MGMT: variants seen among roughly 807,000 people sequenced by gnomAD.
MGMT encodes O-6-methylguanine-DNA methyltransferase, also known as methylated-DNA--protein-cysteine methyltransferase.
A neutral mutation model predicts 15.9 loss-of-function variants in MGMT; 14 were observed. The observed-to-expected ratio is 0.88, with a 90% CI of 0.58 to 1.37. MGMT has a LOEUF of 1.37. MGMT is among the 40% of genes most tolerant of loss of function. The probability of loss-of-function intolerance (pLI) is 0.00; values close to 1 mark genes in which losing one functional copy is unlikely to be tolerated. For synonymous variants in MGMT, 130 were observed against 118.2 expected (o/e 1.10, Z -0.65); for missense variants, 282 against 268.1 (o/e 1.05, Z -0.36).
chr10:129,586,581 T>C (rs1320518381), intron 2 of MGMT, among the ~76,000 whole-genome samples: 2 of 152,232 alleles, frequency 1.3e-5, no homozygotes, highest in Admixed American at 1.3e-4. Context: ...ATTACTCTTT[T>C]TGCTGAGTGG....
chr10:129,467,350 C>A, intron 1 of MGMT, 54 bp downstream of exon 1: 2 of 1,493,530 alleles, frequency 1.3e-6, no homozygotes, highest in South Asian at 1.3e-5. Flanking sequence ...TCCCTCGGGA[C>A]GGTGGCAGCC....
At chr10:129,683,774 TG>T (rs1242827384) in intron 2 of MGMT, among the ~76,000 whole-genome samples, 2 of 152,218 alleles carry the variant, frequency 1.3e-5, no homozygotes, top group Admixed American at 1.3e-4. Context: ...GGTAATAATC[TG>T]CTCCTATAAT....
intron 1 of MGMT, among the ~76,000 whole-genome samples, chr10:129,504,538 G>C (rs1433340979): frequency 1.3e-5 from 2 of 152,202 alleles, no homozygotes; most frequent in East Asian, 3.8e-4. Context: ...TTTGGGATGG[G>C]AGAACATTCT....
chr10:129,567,587 C>A (rs1263667830), intron 2 of MGMT, among the ~76,000 whole-genome samples: 1 of 151,824 alleles, frequency 6.6e-6, no homozygotes, highest in East Asian at 1.9e-4. Context: ...CAACCTTATT[C>A]AAGGGGAAAA....
intron 3 of MGMT, among the ~76,000 whole-genome samples, chr10:129,721,701 G>A (rs529439807): frequency 2.2e-4 from 34 of 152,226 alleles, no homozygotes; most frequent in African/African-American, 7.7e-4. Context: ...TTTAAGGGCA[G>A]ACTTTGATAA....
intron 2 of MGMT, among the ~76,000 whole-genome samples, chr10:129,677,956 A>G (rs1399329251): frequency 7.2e-5 from 11 of 152,152 alleles, no homozygotes; most frequent in Non-Finnish European, 1.2e-4. Flanking sequence ...GTAGGTCATT[A>G]CTGGAATTAC....
chr10:129,706,269 C>T (rs571036067), intron 2 of MGMT, among the ~76,000 whole-genome samples: 193 of 152,344 alleles, frequency 1.3e-3, no homozygotes, highest in African/African-American at 4.0e-3. Context: ...ATGGACTGGC[C>T]GTGCATACCT....
At chr10:129,476,955 C>T (rs1400844330) in intron 1 of MGMT, among the ~76,000 whole-genome samples, 1 of 152,132 alleles carries the variant, frequency 6.6e-6, no homozygotes, top group Non-Finnish European at 1.5e-5. Flanking sequence ...GAGCCAGCCG[C>T]ATGGTCCTCG....
In MGMT at chr10:129,766,897, G is replaced by A. The variant is rs774150007; in HGVS notation, c.524G>A (p.Arg175Gln). ...KEWLLAHEGHRLGKPGLGGSS... is the reference protein window; with the variant it reads ...KEWLLAHEGHQLGKPGLGGSS... ...TGGCTTCTGGCCCATGAAGGCCACC[G>A]GTTGGGGAAGCCAGGCTTGGGAGGG... The change falls in exon 5 of 5, where the codon CGG (arginine) becomes CAG (glutamine). Residue 175 changes from arginine to glutamine, a missense_variant. Physicochemically the swap from Arg to Gln is conservative, Grantham distance 43. Coordinates refer to ENST00000651593, the MANE Select transcript of MGMT (RefSeq NM_002412.5). The A allele has an allele frequency of 1.9e-5, 30 of 1,613,432 alleles. No homozygotes were observed. The highest frequency in any genetic ancestry group is 1.3e-4 in the Admixed American group (8 of 60,012).
At chr10:129,680,197 CTT>C (rs934090208) in intron 2 of MGMT, among the ~76,000 whole-genome samples, 5 of 152,100 alleles carry the variant, frequency 3.3e-5, no homozygotes, top group Non-Finnish European at 7.3e-5. Flanking sequence ...GACTTGTAGA[CTT>C]TTCTGTGAAT....
intron 1 of MGMT, among the ~76,000 whole-genome samples, chr10:129,509,655 T>C (rs922472370): frequency 1.3e-5 from 2 of 152,258 alleles, no homozygotes; most frequent in Non-Finnish European, 2.9e-5. Flanking sequence ...GAGGTGACTT[T>C]AGACAAGTAA....
chr10:129,669,143 A>G (rs1011919084), intron 2 of MGMT, among the ~76,000 whole-genome samples: 4 of 152,164 alleles, frequency 2.6e-5, no homozygotes, highest in African/African-American at 9.7e-5. Flanking sequence ...ATTATAGGAC[A>G]CTAGGTTTCC....
At chr10:129,747,386 C>G (rs985286956) in intron 3 of MGMT, among the ~76,000 whole-genome samples, 1 of 152,042 alleles carries the variant, frequency 6.6e-6, no homozygotes, top group African/African-American at 2.4e-5. Context: ...TTGCTGAGAG[C>G]TTTTATCATG....
intron 3 of MGMT, among the ~76,000 whole-genome samples, chr10:129,733,740 G>C (rs1004795852): frequency 2.0e-5 from 3 of 152,134 alleles, no homozygotes; most frequent in Middle Eastern, 3.4e-3. Context: ...TTTTGTATAA[G>C]GTGTAAGGAA....
intron 1 of MGMT, among the ~76,000 whole-genome samples, chr10:129,513,080 G>A (rs1190036624): frequency 6.6e-6 from 1 of 152,154 alleles, no homozygotes; most frequent in African/African-American, 2.4e-5. Context: ...AGAAAGGGTG[G>A]GAATTCTGGC....
chr10:129,701,206 A>C (rs1848095273), intron 2 of MGMT: 1 of 152,252 alleles, frequency 6.6e-6, no homozygotes, highest in African/African-American at 2.4e-5. Context: ...ATTCCAGAGG[A>C]ACTCAGAGGA....
intron 1 of MGMT, among the ~76,000 whole-genome samples, chr10:129,470,904 G>C (rs577589215): frequency 8.5e-5 from 13 of 152,204 alleles, no homozygotes; most frequent in Non-Finnish European, 1.5e-4. Flanking sequence ...ATTAGTCATA[G>C]TGTGTGTAAC....
chr10:129,487,218 G>A (rs759925161), intron 1 of MGMT, among the ~76,000 whole-genome samples: 3 of 152,094 alleles, frequency 2.0e-5, no homozygotes, highest in Non-Finnish European at 4.4e-5. Flanking sequence ...TGCTCTCATG[G>A]GGGTCCACAT....
chr10:129,481,788 ATT>A (rs1334946288), intron 1 of MGMT, among the ~76,000 whole-genome samples: 1 of 151,922 alleles, frequency 6.6e-6, no homozygotes, highest in Non-Finnish European at 1.5e-5. Flanking sequence ...TCATGTCCTT[ATT>A]TTTATTCCTG....
Sources: gnomAD v4.1 joint callset for allele counts (sites outside exome capture counted in the v4.1 genomes callset) on GRCh38, gnomAD v4.1.1 for gene constraint, MANE v1.5 for transcripts, NCBI Gene and HGNC (gene_info 2026-07-23, HGNC 2026-07-21) for gene names.